Variants in ZNF43 observed in about 807,000 individuals in gnomAD.
ZNF43 encodes the protein zinc finger protein 43.
ZNF43 carries 44 observed loss-of-function variants against 68.4 expected under a neutral mutation model. The observed-to-expected ratio is 0.64, with a 90% CI of 0.51 to 0.83. ZNF43 has a LOEUF of 0.83. Among genes scored for constraint, ZNF43 ranks in the 40% least tolerant of loss-of-function variants. ZNF43 has a pLI of 0.00. For missense variants in ZNF43, 896 were observed against 933.2 expected (o/e 0.96, Z 0.52); for synonymous variants, 308 against 307.8 (o/e 1.00, Z -0.01).
At chr19:21,818,261 C>A (rs1394108184) in intron 2 of ZNF43, among the ~76,000 whole-genome samples, 1 of 152,066 alleles carries the variant, frequency 6.6e-6, no homozygotes, top group Non-Finnish European at 1.5e-5. Context: ...TGCCACCATG[C>A]CTGATTAATT....
Position 21,817,944 on chromosome 19 carries a change from T to G in ZNF43, c.173A>C (p.Gln58Pro). ...CATAGGCTCCCAAGGCTCTTTTTCT[T>G]GCTCCAGACAGGTGATCAGGTCTGG... is the stretch of plus-strand genomic sequence containing the variant. ...SKPDLITCLE[Q>P]EKEPWEPMRR... The change falls in exon 3 of 4, where the codon CAA becomes CCA. Residue 58 changes from glutamine to proline, a missense_variant. Physicochemically the swap from Gln to Pro is moderately conservative, Grantham distance 76. Coordinates refer to ENST00000354959, the MANE Select transcript of ZNF43 (RefSeq NM_003423.4). 1 of 1,613,508 alleles carries G rather than the reference T, an allele frequency of 6.2e-7. No homozygotes were observed. The highest frequency in any genetic ancestry group is 2.2e-5 in the East Asian group (1 of 44,858).
intron 3 of ZNF43, among the ~76,000 whole-genome samples, chr19:21,815,747 G>A (rs2037496544): frequency 6.6e-6 from 1 of 151,780 alleles, no homozygotes; most frequent in South Asian, 2.1e-4. Context: ...CAAAATTACA[G>A]ACAAATTTGG....
intron 1 of ZNF43, chr19:21,849,856 G>A (rs79382977): frequency 0.027 from 4,165 of 152,262 alleles, 69 homozygotes; most frequent in Non-Finnish European, 0.041. Flanking sequence ...GCTGGTTGAG[G>A]GTAGAAGAGT....
At chr19:21,845,473 T>C (rs1436257727) in intron 1 of ZNF43, 1 of 152,110 alleles carries the variant, frequency 6.6e-6, no homozygotes, top group African/African-American at 2.4e-5. Flanking sequence ...AATCCTCTTT[T>C]GGCAGGGTGC....
At chr19:21,825,165 T>C (rs1015458059) in intron 1 of ZNF43, among the ~76,000 whole-genome samples, 21 of 151,864 alleles carry the variant, frequency 1.4e-4, no homozygotes, top group African/African-American at 5.1e-4. Flanking sequence ...ACTTGGGAAG[T>C]GGGGGTTGCA....
At chr19:21,842,407 CAA>C (rs34565458) in intron 1 of ZNF43, among the ~76,000 whole-genome samples, 86 of 117,568 alleles carry the variant, frequency 7.3e-4, no homozygotes, top group Non-Finnish European at 1.2e-3. Flanking sequence ...GACTCCATCT[CAA>C]AAAAAAAAAA....
Position 21,807,921 on chromosome 19 carries a change from A to G in ZNF43, c.2116T>C (p.Tyr706His). The G allele has an allele frequency of 6.2e-7, 1 of 1,613,064 alleles. No homozygotes were observed. Among genetic ancestry groups the G allele is most frequent in the Non-Finnish European group, 8.5e-7 (1 of 1,179,764 alleles). ...HKIIHTGEKP[Y>H]KCEKCGKAFN... ...GCTTTGCCACATTTTTCACATTTGT[A>G]GGGTTTCTCTCCAGTATGAATAATC... Residue 706 changes from tyrosine (Y) to histidine (H), a missense_variant, in exon 4 of 4, where the codon TAC (tyrosine) becomes CAC (histidine). Coordinates refer to ENST00000354959, the MANE Select transcript of ZNF43 (RefSeq NM_003423.4).
At chr19:21,832,061 A>G (rs746395790) in intron 1 of ZNF43, among the ~76,000 whole-genome samples, 1 of 152,212 alleles carries the variant, frequency 6.6e-6, no homozygotes, top group Non-Finnish European at 1.5e-5. Flanking sequence ...ACTAAAAGAG[A>G]GCCTAAATAC....
Position 21,808,472 on chromosome 19 carries a change from G to A in ZNF43, c.1565C>T (p.Ser522Phe), listed in dbSNP as rs777803776. The A allele has an allele frequency of 6.2e-6, 10 of 1,612,088 alleles. No individual in the cohort carries two copies. In the South Asian group the frequency reaches 1.1e-4, roughly 18 times the overall value. The change falls in exon 4 of 4, where the codon TCC (serine) becomes TTC (phenylalanine). Residue 522 changes from serine (S) to phenylalanine (F), a missense_variant. Transcript: ENST00000354959. ...CEECGKAFKW[S>F]SKLTEHKITH... ...TATCTTATGTTCAGTAAGCTTTGAG[G>A]ACCACTTAAAAGCTTTGCCACATTC...
intron 1 of ZNF43, among the ~76,000 whole-genome samples, chr19:21,831,655 C>A (rs1052351048): frequency 1.9e-4 from 29 of 152,044 alleles, no homozygotes; most frequent in African/African-American, 6.8e-4. Flanking sequence ...CCACCACGCC[C>A]GGCTCCAGAA....
intron 1 of ZNF43, among the ~76,000 whole-genome samples, chr19:21,844,921 AATATATATATATAT>A (rs1181354510): frequency 1.5e-4 from 4 of 26,052 alleles, no homozygotes; most frequent in African/African-American, 6.5e-4. Flanking sequence ...AAAAAAAAAA[AATATATATATATAT>A]ATATATATAT....
chr19:21,816,357 C>T (rs1343860811), intron 3 of ZNF43, among the ~76,000 whole-genome samples: 1 of 152,134 alleles, frequency 6.6e-6, no homozygotes, highest in Non-Finnish European at 1.5e-5. Context: ...TTTAAAAGAG[C>T]TTTGAGATCC....
chr19:21,846,856 T>C (rs535573055), intron 1 of ZNF43, among the ~76,000 whole-genome samples: 32 of 152,162 alleles, frequency 2.1e-4, no homozygotes, highest in Non-Finnish European at 3.7e-4. Flanking sequence ...CACCTGGCTG[T>C]TGGACCCAGC....
intron 3 of ZNF43, among the ~76,000 whole-genome samples, chr19:21,812,393 C>T (rs1413867391): frequency 2.6e-5 from 4 of 152,234 alleles, no homozygotes; most frequent in East Asian, 1.9e-4. Flanking sequence ...GGATTATAGG[C>T]GTAAGCCACT....
chr19:21,818,106 A>ATT (rs915159999), intron 2 of ZNF43, 120 bp from the exon 3 acceptor site: 890 of 861,614 alleles, frequency 1.0e-3, no homozygotes, highest in East Asian at 1.5e-3. Flanking sequence ...CAAAATACTA[A>ATT]TTTTTTTTTT....
chr19:21,836,244 G>T (rs949058916), upstream of ZNF43: 3 of 1,394,404 alleles, frequency 2.2e-6, no homozygotes, highest in African/African-American at 4.4e-5. Flanking sequence ...TGATTGGACG[G>T]TTTCCAGCCC....
intron 1 of ZNF43, among the ~76,000 whole-genome samples, chr19:21,822,760 G>A (rs1191232036): frequency 7.9e-5 from 12 of 151,836 alleles, no homozygotes; most frequent in Non-Finnish European, 1.6e-4. Context: ...AGCCGAGATC[G>A]CGCCACTGCA....
chr19:21,843,208 G>T, intron 1 of ZNF43: 1 of 190,022 alleles, frequency 5.3e-6, no homozygotes, highest in Non-Finnish European at 9.7e-6. Flanking sequence ...CAAGAGTATA[G>T]GGTCACATGA....
chr19:21,826,635 A>C (rs977151289), intron 1 of ZNF43: 5 of 152,412 alleles, frequency 3.3e-5, no homozygotes, highest in Non-Finnish European at 7.3e-5. Flanking sequence ...CAAGAGATCG[A>C]GACCATCCTG....
Sources: allele counts gnomAD v4.1 joint callset (sites outside exome capture counted in the v4.1 genomes callset), GRCh38; gene constraint gnomAD v4.1.1; transcripts MANE v1.5; gene names NCBI Gene and HGNC (gene_info 2026-07-23, HGNC 2026-07-21).